The following DGKG variants were observed in gnomAD, a reference collection of about 807,000 sequenced individuals.
The protein encoded by DGKG is diacylglycerol kinase gamma.
DGKG carries 78 observed loss-of-function variants against 105.3 expected under a neutral mutation model. The ratio of observed to expected loss-of-function variants is 0.74; its 90% CI spans 0.62 to 0.89. DGKG has a LOEUF of 0.89. Among genes scored for constraint, DGKG ranks in the 40% least tolerant of loss-of-function variants. DGKG has a pLI of 0.00. For missense variants in DGKG, 958 were observed against 1,020.1 expected (o/e 0.94, Z 0.83); for synonymous variants, 346 against 367.1 (o/e 0.94, Z 0.66).
intron 22 of DGKG, 32 bp from the exon 23 acceptor site, chr3:186,165,050 C>A: frequency 6.3e-7 from 1 of 1,599,882 alleles, no homozygotes; most frequent in Admixed American, 1.7e-5. Flanking sequence ...GTAGTGCATA[C>A]ACATCTCTGT....
intron 13 of DGKG, among the ~76,000 whole-genome samples, chr3:186,265,716 G>A (rs1159059129): frequency 7.1e-6 from 1 of 141,274 alleles, no homozygotes; most frequent in African/African-American, 2.7e-5. Flanking sequence ...AGGCTGGAGT[G>A]CAGTGGTGTG....
chr3:186,351,953 C>G (rs1009792731), intron 1 of DGKG, among the ~76,000 whole-genome samples: 1 of 152,210 alleles, frequency 6.6e-6, no homozygotes, highest in African/African-American at 2.4e-5. Flanking sequence ...CTTAACTCTT[C>G]TGAACATTGG....
At chr3:186,279,131 A>T (rs191022963) in intron 9 of DGKG, 1 of 152,396 alleles carries the variant, frequency 6.6e-6, no homozygotes, top group Admixed American at 6.5e-5. Context: ...TCTCCAAGCC[A>T]TAAACTCTCT....
intron 5 of DGKG, among the ~76,000 whole-genome samples, chr3:186,289,127 C>T (rs527440396): frequency 8.5e-5 from 13 of 152,220 alleles, no homozygotes; most frequent in African/African-American, 1.4e-4. Context: ...TTCATCTATA[C>T]TCTGAATATT....
At position 186,306,910 on chromosome 3, in the gene DGKG, G is replaced by C. The variant is rs763993427; in HGVS notation, c.135C>G (p.Asp45Glu). 3.1e-6 allele frequency: 5 copies of C among 1,608,068 alleles called. No homozygotes were observed. Among genetic ancestry groups the C allele is most frequent in the Non-Finnish European group, 4.3e-6 (5 of 1,174,606 alleles). Residue 45 changes from aspartate (D) to glutamate (E), a missense_variant, in exon 3 of 25, where the codon GAC (aspartate) becomes GAG (glutamate). By Grantham distance (45) the Asp-to-Glu change is conservative. Coordinates refer to ENST00000265022, the MANE Select transcript of DGKG (RefSeq NM_001346.3). ...ATGGAAATGTTCTTACCTCATGTGG[G>C]TCATATTGTTTGAGGCTCCCACCCT... ...FNEGGSLKQY[D>E]PHEPISYDVF...
intron 11 of DGKG, among the ~76,000 whole-genome samples, chr3:186,271,559 G>A (rs975803444): frequency 6.6e-6 from 1 of 152,118 alleles, no homozygotes; most frequent in African/African-American, 2.4e-5. Context: ...ATCACACTCA[G>A]AGCTATTAAC....
At chr3:186,154,644 C>CAAAA (rs60767699) in intron 24 of DGKG, among the ~76,000 whole-genome samples, 5 of 39,842 alleles carry the variant, frequency 1.3e-4, no homozygotes, top group African/African-American at 1.7e-4. Context: ...GACTCTGTCT[C>CAAAA]AAAAAAAAAA....
intron 13 of DGKG, among the ~76,000 whole-genome samples, chr3:186,266,258 G>C (rs1431271861): frequency 2.0e-5 from 3 of 152,034 alleles, no homozygotes; most frequent in African/African-American, 7.2e-5. Context: ...TAGCTTCTTT[G>C]GTTCAGCATT....
chr3:186,308,550 G>C (rs1452605609), intron 2 of DGKG, among the ~76,000 whole-genome samples: 1 of 152,104 alleles, frequency 6.6e-6, no homozygotes, highest in African/African-American at 2.4e-5. Flanking sequence ...TTCGTGGGCT[G>C]GGCTGTTCTC....
Position 186,316,044 on chromosome 3 carries a change from A to G in DGKG, c.67+4349T>C, listed in dbSNP as rs536999022. ...ATGGAGAGGCCCTGGAAGACAAGAA[A>G]GTGCTGGAGAAAGAGGTTCCATGAA... On this transcript the variant is annotated intron_variant, in intron 2 of 24. Coordinates refer to ENST00000265022, the MANE Select transcript of DGKG (RefSeq NM_001346.3). 1.2e-3 allele frequency among the ~76,000 whole-genome samples: 182 copies of G among 152,392 alleles called. 1 individual carries two copies. The highest frequency in any genetic ancestry group is 4.2e-3 in the African/African-American group (174 of 41,604).
At chr3:186,163,024 GAGAC>G (rs1182493989) in intron 23 of DGKG, among the ~76,000 whole-genome samples, 1 of 152,014 alleles carries the variant, frequency 6.6e-6, no homozygotes, top group African/African-American at 2.4e-5. Context: ...TTTTTAAAAA[GAGAC>G]AGGGTGTCAC....
intron 1 of DGKG, among the ~76,000 whole-genome samples, chr3:186,337,899 G>A (rs1198925486): frequency 6.6e-6 from 1 of 152,132 alleles, no homozygotes; most frequent in Non-Finnish European, 1.5e-5. Context: ...GCTGGGCACA[G>A]TGGCTCATGC....
At chr3:186,274,524 C>G (rs1300661719) in intron 10 of DGKG, among the ~76,000 whole-genome samples, 1 of 144,434 alleles carries the variant, frequency 6.9e-6, no homozygotes, top group African/African-American at 2.6e-5. Flanking sequence ...TCTCCTAATG[C>G]TATCCCTCCC....
At chr3:186,225,121 G>T (rs535222822) in intron 20 of DGKG, among the ~76,000 whole-genome samples, 1 of 149,686 alleles carries the variant, frequency 6.7e-6, no homozygotes, top group East Asian at 2.0e-4. Flanking sequence ...TTGAGACAGG[G>T]TCTCACTCCA....
chr3:186,342,608 A>C (rs981623696), intron 1 of DGKG, among the ~76,000 whole-genome samples: 4 of 151,382 alleles, frequency 2.6e-5, no homozygotes, highest in African/African-American at 9.7e-5. Flanking sequence ...TCGGTCCCTC[A>C]TTCTGACCAA....
In DGKG at chr3:186,226,688, T is replaced by C. The variant is rs187770735; in HGVS notation, c.1827-14803A>G. 9.9e-5 allele frequency among the ~76,000 whole-genome samples: 15 copies of C among 152,278 alleles called. No individual in the cohort carries two copies. The East Asian group carries it at 2.9e-3, about 29-fold the overall frequency. ...CAGCTTATTGAGTTCAAAGGCAAGG[T>C]AGGGTACTTGGCTTGATTGGCAGTT... is the stretch of plus-strand genomic sequence containing the variant. On this transcript the variant is annotated intron_variant, in intron 20 of 24. Transcript: ENST00000265022. The surrounding 1 kb of genome is among the most constrained non-coding windows in gnomAD (Gnocchi z 4.2).
intron 21 of DGKG, among the ~76,000 whole-genome samples, chr3:186,200,835 C>T (rs1718422166): frequency 6.6e-6 from 1 of 152,222 alleles, no homozygotes; most frequent in Non-Finnish European, 1.5e-5. Flanking sequence ...ACACAACCTG[C>T]TTAAGAACAT....
chr3:186,227,923 A>C (rs1578693164), intron 20 of DGKG, among the ~76,000 whole-genome samples: 2 of 152,306 alleles, frequency 1.3e-5, no homozygotes, highest in African/African-American at 4.8e-5. Context: ...TTCCAAAAAT[A>C]CTCTTATGCA....
At chr3:186,176,192 G>C (rs1464577735) in intron 22 of DGKG, among the ~76,000 whole-genome samples, 1 of 152,130 alleles carries the variant, frequency 6.6e-6, no homozygotes, top group Non-Finnish European at 1.5e-5. Context: ...TAAAATACTA[G>C]TTGGTATATT....
Sources: allele counts gnomAD v4.1 joint callset (sites outside exome capture counted in the v4.1 genomes callset), GRCh38; gene constraint gnomAD v4.1.1; non-coding constraint Gnocchi (gnomAD v3.1); transcripts MANE v1.5; gene names NCBI Gene and HGNC (gene_info 2026-07-23, HGNC 2026-07-21).